The following TRHDE variants were observed in gnomAD, a reference collection of about 807,000 sequenced individuals.
TRHDE encodes thyrotropin-releasing hormone-degrading ectoenzyme.
In TRHDE, 72 loss-of-function variants were observed where a neutral mutation model predicts 125.7. The observed-to-expected ratio is 0.57, with a 90% CI of 0.47 to 0.70. The LOEUF is 0.70. Among genes scored for constraint, TRHDE ranks in the 30% least tolerant of loss-of-function variants. The pLI is 0.00. For missense variants in TRHDE, 1,110 were observed against 1,327.1 expected (o/e 0.84, Z 2.54); for synonymous variants, 509 against 509.1 (o/e 1.00, Z 0.00).
intron 1 of TRHDE, 77 bp from the exon 2 acceptor site, chr12:72,286,604 C>T: frequency 7.5e-7 from 1 of 1,340,218 alleles, no homozygotes; most frequent in East Asian, 2.3e-5. Context: ...ATTATTTCAT[C>T]AACAGAAGCA....
At chr12:72,229,848 T>C (rs1436549277) in intron 2 of TRHDE, among the ~76,000 whole-genome samples, 1 of 152,178 alleles carries the variant, frequency 6.6e-6, no homozygotes, top group Non-Finnish European at 1.5e-5. Flanking sequence ...ATAATTGGTC[T>C]TTAAAGATAA....
intron 7 of TRHDE, among the ~76,000 whole-genome samples, chr12:72,556,050 C>T (rs1467104269): frequency 6.6e-6 from 1 of 152,160 alleles, no homozygotes; most frequent in East Asian, 1.9e-4. Context: ...CTCCAACATT[C>T]TTGTCTGCTT....
intron 15 of TRHDE, among the ~76,000 whole-genome samples, chr12:72,644,260 A>G (rs74348125): frequency 0.016 from 2,475 of 152,162 alleles, 65 homozygotes; most frequent in African/African-American, 0.057. Context: ...CAGAAAGAGA[A>G]TTCCTCCTCC....
At chr12:72,379,577 A>G (rs1872052657) in intron 3 of TRHDE, among the ~76,000 whole-genome samples, 1 of 152,238 alleles carries the variant, frequency 6.6e-6, no homozygotes, top group Non-Finnish European at 1.5e-5. Flanking sequence ...TTGCAAGTAC[A>G]GCAAGAGAAA....
intron 5 of TRHDE, among the ~76,000 whole-genome samples, chr12:72,478,141 G>A (rs1417148255): frequency 6.6e-6 from 1 of 152,120 alleles, no homozygotes; most frequent in Non-Finnish European, 1.5e-5. Context: ...AAACTAGAAG[G>A]TGATCCAAAT....
At chr12:72,442,427 C>A (rs1875060055) in intron 3 of TRHDE, among the ~76,000 whole-genome samples, 1 of 151,888 alleles carries the variant, frequency 6.6e-6, no homozygotes, top group Admixed American at 6.6e-5. Flanking sequence ...TGGCTCTCAT[C>A]CCCAGCAGTC....
At chr12:72,489,187 A>G (rs905710455) in intron 5 of TRHDE, among the ~76,000 whole-genome samples, 19 of 151,608 alleles carry the variant, frequency 1.3e-4, no homozygotes, top group Admixed American at 2.0e-4. Flanking sequence ...TGGAAAAACC[A>G]TAGAAAAAAT....
At chr12:72,499,895 G>A (rs1370129127) in intron 6 of TRHDE, among the ~76,000 whole-genome samples, 1 of 152,090 alleles carries the variant, frequency 6.6e-6, no homozygotes, top group East Asian at 1.9e-4. Context: ...GACTCGATAT[G>A]AAATTGCTCT....
chr12:72,203,521 G>C (rs928578573), intron 2 of TRHDE, among the ~76,000 whole-genome samples: 4 of 152,164 alleles, frequency 2.6e-5, no homozygotes, highest in Non-Finnish European at 5.9e-5. Context: ...CAGCATGTGG[G>C]AGCGTCACTG....
intron 1 of TRHDE, among the ~76,000 whole-genome samples, chr12:72,103,428 A>G (rs2139290477): frequency 6.6e-6 from 1 of 152,328 alleles, no homozygotes; most frequent in East Asian, 1.9e-4. Flanking sequence ...AAAGGAGACC[A>G]GTATGGCATA....
chr12:72,415,858 T>C (rs1873709228), intron 3 of TRHDE, among the ~76,000 whole-genome samples: 1 of 152,108 alleles, frequency 6.6e-6, no homozygotes, highest in Admixed American at 6.6e-5. Flanking sequence ...AGTGAGGAAC[T>C]CTTTGCTATA....
intron 12 of TRHDE, among the ~76,000 whole-genome samples, chr12:72,615,872 T>C (rs1872793482): frequency 6.6e-6 from 1 of 152,104 alleles, no homozygotes; most frequent in African/African-American, 2.4e-5. Context: ...ATATATTCAA[T>C]ACAAGACTGC....
intron 12 of TRHDE, among the ~76,000 whole-genome samples, chr12:72,618,196 A>T (rs1872898780): frequency 6.6e-6 from 1 of 152,126 alleles, no homozygotes; most frequent in South Asian, 2.1e-4. Flanking sequence ...AATATGTGTT[A>T]AGATAATTTT....
chr12:72,223,049 G>A (rs1245272339), intron 2 of TRHDE, among the ~76,000 whole-genome samples: 3 of 152,030 alleles, frequency 2.0e-5, no homozygotes, highest in Non-Finnish European at 4.4e-5. Context: ...TATGACAAGT[G>A]TTGCTATACT....
chr12:72,184,203 A>G (rs1440068636), intron 2 of TRHDE, among the ~76,000 whole-genome samples: 1 of 152,160 alleles, frequency 6.6e-6, no homozygotes, highest in Non-Finnish European at 1.5e-5. Context: ...CCTTAGGGGC[A>G]GAGGGTCTTC....
chr12:72,207,536 T>G (rs1877694237), intron 2 of TRHDE, among the ~76,000 whole-genome samples: 2 of 152,204 alleles, frequency 1.3e-5, no homozygotes, highest in African/African-American at 4.8e-5. Flanking sequence ...GAATTAAATA[T>G]TTATGCAATA....
intron 17 of TRHDE, among the ~76,000 whole-genome samples, chr12:72,656,134 A>G (rs1364477770): frequency 2.0e-5 from 3 of 152,102 alleles, no homozygotes; most frequent in Non-Finnish European, 4.4e-5. Context: ...TATCCTTAGC[A>G]TAGAAGGGAC....
chr12:72,541,439 AT>A (rs1869143405), intron 6 of TRHDE, among the ~76,000 whole-genome samples: 1 of 151,566 alleles, frequency 6.6e-6, no homozygotes, highest in South Asian at 2.1e-4. Context: ...GGTTCTCAAG[AT>A]GAGAGAGACT....
At chr12:72,230,848 G>A (rs571134473) in intron 2 of TRHDE, among the ~76,000 whole-genome samples, 7 of 152,146 alleles carry the variant, frequency 4.6e-5, no homozygotes, top group East Asian at 3.9e-4. Flanking sequence ...TAGAAAATAC[G>A]GTAATGTAGC....
Sources: allele counts gnomAD v4.1 joint callset (sites outside exome capture counted in the v4.1 genomes callset), GRCh38; gene constraint gnomAD v4.1.1; transcripts MANE v1.5; gene names NCBI Gene and HGNC (gene_info 2026-07-23, HGNC 2026-07-21).